HEPHL1: variants seen among roughly 807,000 people sequenced by gnomAD.
The protein encoded by HEPHL1 is ferroxidase HEPHL1.
HEPHL1 carries 123 observed loss-of-function variants against 122.0 expected under a neutral mutation model. The ratio of observed to expected loss-of-function variants is 1.01; its 90% CI spans 0.87 to 1.17. The LOEUF (loss-of-function observed/expected upper bound fraction) is 1.17. Among genes scored for constraint, HEPHL1 ranks in the 50% most tolerant of loss-of-function variants. HEPHL1 has a pLI of 0.00. For synonymous variants in HEPHL1, 527 were observed against 508.9 expected, an observed-to-expected ratio of 1.04 and a Z score of -0.48; for missense variants, 1,452 against 1,430.5, an observed-to-expected ratio of 1.01 and a Z score of -0.24.
At position 94,067,434 on chromosome 11, in the gene HEPHL1, C is replaced by T. The variant is rs1591475901; in HGVS notation, c.809-62C>T. ...GCCATGCTTAAGCCCGTATTACCAACATTTCTGGTCCCAGTCGCCTCTGCA... is the reference window on the plus strand; with the variant it reads ...GCCATGCTTAAGCCCGTATTACCAATATTTCTGGTCCCAGTCGCCTCTGCA... On this transcript the variant is annotated intron_variant, in intron 4 of 19. Transcript: ENST00000315765. 1.0e-5 allele frequency: 16 copies of T among 1,552,448 alleles called. 1 individual carries two copies. The East Asian group carries it at 3.4e-4, about 33-fold the overall frequency.
chr11:94,091,025 A>C (rs186412510), intron 12 of HEPHL1, among the ~76,000 whole-genome samples: 6 of 152,324 alleles, frequency 3.9e-5, no homozygotes, highest in Non-Finnish European at 7.3e-5. Flanking sequence ...CTATGAAAAA[A>C]TAAAGTTGTA....
intron 14 of HEPHL1, among the ~76,000 whole-genome samples, chr11:94,102,316 G>A (rs1946373743): frequency 6.6e-6 from 1 of 152,208 alleles, no homozygotes. Flanking sequence ...GGATACTAAA[G>A]GTTAGTGACA....
intron 1 of HEPHL1, among the ~76,000 whole-genome samples, chr11:94,027,392 A>G (rs947824558): frequency 6.6e-6 from 1 of 152,182 alleles, no homozygotes; most frequent in Admixed American, 6.5e-5. Flanking sequence ...GCCACTTGAG[A>G]GCACTTGATC....
chr11:94,068,691 A>G (rs1445171261), intron 5 of HEPHL1, among the ~76,000 whole-genome samples: 1 of 152,176 alleles, frequency 6.6e-6, no homozygotes, highest in Non-Finnish European at 1.5e-5. Context: ...AGATAAATGT[A>G]TGCATGCAAG....
At chr11:94,057,156 T>G (rs887031295) in intron 2 of HEPHL1, among the ~76,000 whole-genome samples, 20 of 152,098 alleles carry the variant, frequency 1.3e-4, no homozygotes, top group African/African-American at 4.8e-4. Flanking sequence ...GATAGGTCAT[T>G]TTTGTCTATC....
intron 1 of HEPHL1, among the ~76,000 whole-genome samples, chr11:94,027,941 T>C (rs574525676): frequency 6.6e-6 from 1 of 152,300 alleles, no homozygotes; most frequent in East Asian, 1.9e-4. Context: ...CCACCCTTCC[T>C]TTTTCCAAGT....
intron 15 of HEPHL1, 64 bp from the exon 16 acceptor site, chr11:94,104,464 G>A (rs1946392961): frequency 8.9e-7 from 1 of 1,121,098 alleles, no homozygotes; most frequent in Non-Finnish European, 1.3e-6. Context: ...AATGGTGGCA[G>A]GTGGAATGAA....
intron 13 of HEPHL1, among the ~76,000 whole-genome samples, chr11:94,094,160 C>G (rs1946289329): frequency 6.6e-6 from 1 of 151,448 alleles, no homozygotes; most frequent in Non-Finnish European, 1.5e-5. Flanking sequence ...GCCCCTACCC[C>G]ACGACAGGCC....
Position 94,088,761 on chromosome 11 carries a change from T to C in HEPHL1, c.2087T>C (p.Phe696Ser), listed in dbSNP as rs1946238479. The change falls in exon 12 of 20, where the codon TTT becomes TCT. Residue 696 changes from phenylalanine (F) to serine (S), a missense_variant. By Grantham distance (155) the Phe-to-Ser change is radical. Transcript: ENST00000315765. The part of the protein sequence containing the change: ...AFMQPDHAGI[F>S]RVFCATMPHL... ...CGAGCCATTTCTCTTGCAGGTATTT[T>C]TAGGGTGTTTTGTGCCACCATGCCC... 3.7e-6 allele frequency: 6 copies of C among 1,612,856 alleles called. No individual in the cohort carries two copies. The highest frequency in any genetic ancestry group is 5.1e-6 in the Non-Finnish European group (6 of 1,179,290).
intron 9 of HEPHL1, among the ~76,000 whole-genome samples, chr11:94,077,489 G>C (rs1487035020): frequency 2.6e-5 from 4 of 152,062 alleles, no homozygotes; most frequent in African/African-American, 9.7e-5. Flanking sequence ...ATGGAGAATG[G>C]GGTATTCATC....
rs1031172188 is a variant in HEPHL1, at chr11:94,106,201, A to G, written c.3045+71A>G. The G allele has an allele frequency of 4.8e-6, 6 of 1,251,908 alleles. No homozygotes were observed. The East Asian group carries it at 7.1e-5, about 15-fold the overall frequency. The allele number at this position is 1,251,908 out of a possible 1,614,324, so 77.5% of individuals were successfully genotyped here. A position where few individuals can be genotyped will look rare whatever the true frequency, so the allele number is the denominator to read the frequency against. ...AAATTCAATGTATTTCCAGTGGAAA[A>G]TAAGAGTTACTTGGCAATAATGCTT... is the stretch of plus-strand genomic sequence containing the variant. On this transcript the variant is annotated intron_variant, in intron 17 of 19. Coordinates refer to ENST00000315765, the MANE Select transcript of HEPHL1 (RefSeq NM_001098672.2).
At chr11:94,069,764 T>C (rs1319483278) in intron 5 of HEPHL1, among the ~76,000 whole-genome samples, 1 of 152,168 alleles carries the variant, frequency 6.6e-6, no homozygotes, top group African/African-American at 2.4e-5. Flanking sequence ...ATGACTATTA[T>C]TTATAGATGT....
At chr11:94,101,371 A>C (rs1418039035) in intron 14 of HEPHL1, 36 bp downstream of exon 14, 1 of 1,591,404 alleles carries the variant, frequency 6.3e-7, no homozygotes, top group South Asian at 1.1e-5. Context: ...ATCTTGAAGA[A>C]GAACATTGGC....
At chr11:94,099,202 G>GCT (rs1180402908) in intron 13 of HEPHL1, among the ~76,000 whole-genome samples, 1 of 152,076 alleles carries the variant, frequency 6.6e-6, no homozygotes, top group Non-Finnish European at 1.5e-5. Context: ...GTGTGGATTT[G>GCT]CTCTCTGTTT....
At chr11:94,032,349 G>A (rs549152946) in intron 1 of HEPHL1, among the ~76,000 whole-genome samples, 2 of 152,170 alleles carry the variant, frequency 1.3e-5, no homozygotes, top group African/African-American at 4.8e-5. Context: ...GTTTGACCTG[G>A]CTTATGATTT....
At position 94,113,598 on chromosome 11, in the gene HEPHL1, T is replaced by C. The variant is rs1363589849; in HGVS notation, c.*1704T>C. On this transcript the variant is annotated 3_prime_UTR_variant, in exon 20 of 20. Coordinates refer to ENST00000315765, the MANE Select transcript of HEPHL1 (RefSeq NM_001098672.2). The stretch of plus-strand genomic sequence containing the variant: ...TACATGTGTAGGCTGCATAATTTCA[T>C]AATTATGGTAAATGCCTTATTTATT... The C allele has an allele frequency of 2.0e-5, 3 of 152,198 alleles. No individual in the cohort carries two copies. The highest frequency in any genetic ancestry group is 4.4e-5 in the Non-Finnish European group (3 of 68,034). The allele number at this position is 152,198 out of a possible 1,614,324, so 9.4% of individuals were successfully genotyped here.
chr11:94,067,754 A>T lies in HEPHL1; in HGVS notation c.1063+4A>T. On this transcript the variant is annotated splice_donor_region_variant and intron_variant, in intron 5 of 19. Transcript: ENST00000315765. ...CAGGTCAGCGACCACCTACAAGGTAAAAAGGATAAAGACCAGAGTTGATAT... is the reference window on the plus strand; with the variant it reads ...CAGGTCAGCGACCACCTACAAGGTATAAAGGATAAAGACCAGAGTTGATAT... The T allele has an allele frequency of 6.2e-7, 1 of 1,613,126 alleles. No homozygotes were observed. The highest frequency in any genetic ancestry group is 8.5e-7 in the Non-Finnish European group (1 of 1,179,544).
chr11:94,043,449 G>T (rs1945805246), intron 1 of HEPHL1, among the ~76,000 whole-genome samples: 1 of 152,112 alleles, frequency 6.6e-6, no homozygotes, highest in Admixed American at 6.5e-5. Context: ...GGGGATGAAT[G>T]ATATCAATTG....
At chr11:94,089,735 A>C (rs1257708831) in intron 12 of HEPHL1, among the ~76,000 whole-genome samples, 2 of 152,152 alleles carry the variant, frequency 1.3e-5, no homozygotes, top group African/African-American at 4.8e-5. Context: ...ACAGCAACCC[A>C]CTGCCTGGTA....
Sources: gnomAD v4.1 joint callset for allele counts (sites outside exome capture counted in the v4.1 genomes callset) on GRCh38, gnomAD v4.1.1 for gene constraint, MANE v1.5 for transcripts, NCBI Gene and HGNC (gene_info 2026-07-23, HGNC 2026-07-21) for gene names.